Variants in N4BP3 observed in about 807,000 individuals in gnomAD.
N4BP3 encodes NEDD4-binding protein 3.
A neutral mutation model predicts 43.8 loss-of-function variants in N4BP3; 33 were observed. That is an observed-to-expected ratio of 0.75 (90% confidence interval 0.57 to 1.01). The LOEUF is 1.01. N4BP3 is among the 50% of genes least tolerant of loss of function. The pLI is 0.00. For missense variants in N4BP3, 756 were observed against 744.2 expected (o/e 1.02, Z -0.18); for synonymous variants, 326 against 321.9 (o/e 1.01, Z -0.14).
In N4BP3 at chr5:178,117,242, A is replaced by G. The variant is rs569134122; in HGVS notation, c.-30-2312A>G. On this transcript the variant is annotated intron_variant, in intron 1 of 4. Coordinates refer to ENST00000274605, the MANE Select transcript of N4BP3 (RefSeq NM_015111.2). ...GCTGTCCCCTCCCCAAGAAGCAGCA[A>G]CAGGAGTTGAGCGTGCTTGTGGACA... 5.3e-5 allele frequency among the ~76,000 whole-genome samples: 8 copies of G among 152,332 alleles called. No individual in the cohort carries two copies. The South Asian group carries it at 1.4e-3, about 28-fold the overall frequency.
Position 178,120,357 on chromosome 5 carries a change from G to GCTGCTGCA in N4BP3, c.512_519dup (p.Ala174CysfsTer7). On this transcript the variant is annotated frameshift_variant, in exon 3 of 5. Coordinates refer to ENST00000274605, the MANE Select transcript of N4BP3 (RefSeq NM_015111.2). LOFTEE classifies it high-confidence loss of function. ...CCCGGGCCAGCCAGGCCCGGGCACA[G>GCTGCTGCA]CTGCTGCACGCCCTCAGCCTAGATG... 1 of 1,608,342 alleles carries GCTGCTGCA rather than the reference G, an allele frequency of 6.2e-7. No individual in the cohort carries two copies. Among genetic ancestry groups the GCTGCTGCA allele is most frequent in the Non-Finnish European group, 8.5e-7 (1 of 1,176,598 alleles).
rs772776512 is a variant in N4BP3, at chr5:178,121,962, C to T, written c.1596C>T (p.Pro532=). ...EQELRALREP[P]TPWSPRLESS... ...AACTGCGGGCACTGCGGGAGCCCCC[C>T]ACACCCTGGAGTCCCCGGCTCGAGT... Residue 532 remains proline, a synonymous_variant, in exon 5 of 5, where the codon CCC becomes CCT. Transcript: ENST00000274605. 1.5e-4 allele frequency: 246 copies of T among 1,609,224 alleles called. 1 individual carries two copies. The highest frequency in any genetic ancestry group is 2.0e-4 in the Non-Finnish European group (236 of 1,178,170).
intron 1 of N4BP3, among the ~76,000 whole-genome samples, chr5:178,116,971 T>A (rs528176667): frequency 5.9e-4 from 90 of 152,124 alleles, no homozygotes; most frequent in South Asian, 4.6e-3. Flanking sequence ...CCCACTTCAT[T>A]TTTTTTTCCT....
At chr5:178,114,872 C>T (rs182501632) in intron 1 of N4BP3, among the ~76,000 whole-genome samples, 1 of 152,324 alleles carries the variant, frequency 6.6e-6, no homozygotes, top group Admixed American at 6.5e-5. Flanking sequence ...CTAGGGCAGC[C>T]TGGTTGCAAG....
Position 178,120,659 on chromosome 5 carries a change from G to C in N4BP3, c.812G>C (p.Arg271Thr). The change falls in exon 3 of 5, where the codon AGG becomes ACG. Residue 271 changes from arginine (R) to threonine (T), a missense_variant. Coordinates refer to ENST00000274605, the MANE Select transcript of N4BP3 (RefSeq NM_015111.2). ...CCCGAGACCTGTGAGGAGCTCAAGAGGGGCCTTGGCGATGAGGACGGCTCC... is the reference window on the plus strand; with the variant it reads ...CCCGAGACCTGTGAGGAGCTCAAGACGGGCCTTGGCGATGAGGACGGCTCC... ...VLPETCEELK[R>T]GLGDEDGSNP... is the part of the protein sequence containing the mutation. The C allele has an allele frequency of 6.2e-7, 1 of 1,603,636 alleles. No individual in the cohort carries two copies. The highest frequency in any genetic ancestry group is 8.5e-7 in the Non-Finnish European group (1 of 1,179,820).
At chr5:178,119,500 G>T (rs1757854022) in intron 1 of N4BP3, 54 bp from the exon 2 acceptor site, 1 of 1,332,728 alleles carries the variant, frequency 7.5e-7, no homozygotes, top group Non-Finnish European at 1.0e-6. Flanking sequence ...CAGGCCCCAG[G>T]GAAGTTGGGC....
intron 1 of N4BP3, among the ~76,000 whole-genome samples, chr5:178,117,004 G>A (rs1372183762): frequency 1.3e-5 from 2 of 152,102 alleles, no homozygotes; most frequent in Non-Finnish European, 2.9e-5. Context: ...ATAGAGATGG[G>A]GTCTCGCTAT....
At position 178,120,394 on chromosome 5, in the gene N4BP3, G is replaced by C. The variant is rs1028659578; in HGVS notation, c.547G>C (p.Glu183Gln). ...HALSLDEGGP[E>Q]PEPSLSDSSS... is the part of the protein sequence containing the mutation. The stretch of plus-strand genomic sequence containing the variant: ...CCTCAGCCTAGATGAGGGCGGCCCT[G>C]AGCCCGAGCCCAGCCTGTCCGACTC... The change falls in exon 3 of 5, where the codon GAG (glutamate) becomes CAG (glutamine). Residue 183 changes from glutamate to glutamine, a missense_variant. Transcript: ENST00000274605. 1 of 1,612,844 alleles carries C rather than the reference G, an allele frequency of 6.2e-7. No individual in the cohort carries two copies.
At chr5:178,114,268 T>C (rs1185496819) in intron 1 of N4BP3, among the ~76,000 whole-genome samples, 1 of 152,202 alleles carries the variant, frequency 6.6e-6, no homozygotes, top group African/African-American at 2.4e-5. Flanking sequence ...ACCCCTGCTT[T>C]CCTGACACAA....
At chr5:178,114,784 C>T (rs1757733818) in intron 1 of N4BP3, among the ~76,000 whole-genome samples, 1 of 152,218 alleles carries the variant, frequency 6.6e-6, no homozygotes, top group African/African-American at 2.4e-5. Flanking sequence ...GACTCGGAGT[C>T]CCCATGAGGC....
rs1757946233 is a variant in N4BP3, at chr5:178,122,076, ACTGGTTGGGGTGGAAC to A, written c.*79_*94del. 2 of 1,476,160 alleles carry A rather than the reference ACTGGTTGGGGTGGAAC, an allele frequency of 1.4e-6. No homozygotes were observed. The highest frequency in any genetic ancestry group is 2.8e-5 in the African/African-American group (2 of 71,252). The allele number at this position is 1,476,160 out of a possible 1,614,324, so 91.4% of individuals were successfully genotyped here. ...GACGGCCGGCTCAGCCTTCCCTTGC[ACTGGTTGGGGTGGAAC>A]CTGCAGAGGCCAGCCCGGGGCTGGG... On this transcript the variant is annotated 3_prime_UTR_variant, in exon 5 of 5. Transcript: ENST00000274605.
intron 4 of N4BP3, 22 bp from the exon 5 acceptor site, chr5:178,121,452 T>A (rs1052364514): frequency 1.2e-6 from 2 of 1,613,644 alleles, no homozygotes; most frequent in South Asian, 1.1e-5. Flanking sequence ...CCTACTTTGC[T>A]TGCGTCCTCC....
chr5:178,115,608 C>T (rs1188252403), intron 1 of N4BP3, among the ~76,000 whole-genome samples: 2 of 152,202 alleles, frequency 1.3e-5, no homozygotes, highest in African/African-American at 4.8e-5. Context: ...TGAACGTGAC[C>T]TTAGGCGTGT....
chr5:178,120,963 G>A, intron 3 of N4BP3, 135 bp from the exon 4 acceptor site: 3 of 1,298,150 alleles, frequency 2.3e-6, no homozygotes, highest in Non-Finnish European at 3.1e-6. Context: ...AGGGCATCCC[G>A]GGTTAAAGCG....
intron 1 of N4BP3, 32 bp from the exon 2 acceptor site, chr5:178,119,522 A>G (rs1262845061): frequency 6.8e-7 from 1 of 1,463,862 alleles, no homozygotes; most frequent in African/African-American, 1.4e-5. Context: ...GCCAGTGCTC[A>G]CCTGCCCCTA....
intron 1 of N4BP3, among the ~76,000 whole-genome samples, chr5:178,117,939 T>C (rs970025866): frequency 2.0e-5 from 3 of 152,018 alleles, no homozygotes; most frequent in African/African-American, 4.8e-5. Flanking sequence ...CTGGAAATGG[T>C]TGAGGAAGAT....
At position 178,121,305 on chromosome 5, in the gene N4BP3, C is replaced by T; in HGVS notation, c.1060C>T (p.Pro354Ser). 1 of 1,606,062 alleles carries T rather than the reference C, an allele frequency of 6.2e-7. No homozygotes were observed. Among genetic ancestry groups the T allele is most frequent in the Non-Finnish European group, 8.5e-7 (1 of 1,175,380 alleles). Reference sequence around the variant, plus strand: ...GGAGCCTCGGGCCCCCGGCACCCTCCCAGAGGCTGACCCCAGTGCACGACC... The same window carrying T: ...GGAGCCTCGGGCCCCCGGCACCCTCTCAGAGGCTGACCCCAGTGCACGACC... ...APEPRAPGTL[P>S]EADPSARPEE... The change falls in exon 4 of 5, where the codon CCA becomes TCA. Residue 354 changes from proline (P) to serine (S), a missense_variant. Pro to Ser is a moderately conservative substitution (Grantham distance 74). Coordinates refer to ENST00000274605, the MANE Select transcript of N4BP3 (RefSeq NM_015111.2).
At position 178,122,254 on chromosome 5, in the gene N4BP3, G is replaced by C; in HGVS notation, c.*253G>C. ...TGCTTCCTGGAGTGGATGTGGCCCA[G>C]AGAAGGAGGCTGGGGGATCACCAGC... On this transcript the variant is annotated 3_prime_UTR_variant, in exon 5 of 5. Transcript: ENST00000274605. 2.2e-6 allele frequency: 1 copy of C among 464,236 alleles called. No homozygotes were observed. Among genetic ancestry groups the C allele is most frequent in the East Asian group, 3.4e-5 (1 of 29,284 alleles). The allele number at this position is 464,236 out of a possible 1,614,324, so 28.8% of individuals were successfully genotyped here.
At chr5:178,114,558 AC>A (rs963150153) in intron 1 of N4BP3, among the ~76,000 whole-genome samples, 44 of 151,734 alleles carry the variant, frequency 2.9e-4, no homozygotes, top group Non-Finnish European at 5.9e-4. Flanking sequence ...CCACTGGGCC[AC>A]CCCCCGACCC....
Sources: gnomAD v4.1 joint callset for allele counts (sites outside exome capture counted in the v4.1 genomes callset) on GRCh38, gnomAD v4.1.1 for gene constraint, MANE v1.5 for transcripts, NCBI Gene and HGNC (gene_info 2026-07-23, HGNC 2026-07-21) for gene names.